Variants in PTPN5 observed in about 807,000 individuals in gnomAD.
The protein encoded by PTPN5 is tyrosine-protein phosphatase non-receptor type 5.
A neutral mutation model predicts 73.9 loss-of-function variants in PTPN5; 29 were observed. The ratio of observed to expected loss-of-function variants is 0.39; its 90% CI spans 0.29 to 0.54. The LOEUF (loss-of-function observed/expected upper bound fraction) is 0.54. PTPN5 is among the 20% of genes least tolerant of loss of function. The probability of loss-of-function intolerance (pLI) is 0.65; values close to 1 mark genes in which losing one functional copy is unlikely to be tolerated. For missense variants in PTPN5, 652 were observed against 751.4 expected (o/e 0.87, Z 1.55); for synonymous variants, 267 against 304.7 (o/e 0.88, Z 1.29).
At position 18,754,813 on chromosome 11, in the gene PTPN5, C is replaced by T. The variant is rs1315778147; in HGVS notation, c.98-10614G>A. Among the ~76,000 whole-genome samples, 8 of 152,336 alleles carry T rather than the reference C, an allele frequency of 5.3e-5. No individual in the cohort carries two copies. In the East Asian group the frequency reaches 7.7e-4, roughly 15 times the overall value. ...TCTCATTGTAGGTGCACTTTTACCT[C>T]GTGCATCGTTTTGTACGTAGGCATA... On this transcript the variant is annotated intron_variant, in intron 3 of 14. Transcript: ENST00000358540.
chr11:18,778,276 A>G (rs879272780), intron 1 of PTPN5, among the ~76,000 whole-genome samples: 4 of 152,188 alleles, frequency 2.6e-5, no homozygotes, highest in Admixed American at 2.6e-4. Context: ...GTGTTAGCCA[A>G]TATTACTGTT....
chr11:18,767,101 CA>C (rs1365147253), intron 2 of PTPN5, among the ~76,000 whole-genome samples: 1 of 152,176 alleles, frequency 6.6e-6, no homozygotes, highest in Non-Finnish European at 1.5e-5. Flanking sequence ...AACTGGCAAC[CA>C]AAAGAACCTT....
At chr11:18,755,126 C>G (rs568207759) in intron 3 of PTPN5, among the ~76,000 whole-genome samples, 1 of 152,362 alleles carries the variant, frequency 6.6e-6, no homozygotes, top group Non-Finnish European at 1.5e-5. Context: ...ACCAGCTGCC[C>G]TGCAGTGTGG....
chr11:18,777,435 T>C (rs1361002214), intron 1 of PTPN5, among the ~76,000 whole-genome samples: 2 of 129,998 alleles, frequency 1.5e-5, no homozygotes, highest in African/African-American at 5.8e-5. Flanking sequence ...AGGAAGCTCC[T>C]AAAAATGTTA....
intron 1 of PTPN5, among the ~76,000 whole-genome samples, chr11:18,782,451 C>T (rs1851482109): frequency 6.6e-6 from 1 of 152,216 alleles, no homozygotes; most frequent in African/African-American, 2.4e-5. Context: ...TGGTCTCGAA[C>T]TCCTGACCTC....
At chr11:18,745,969 T>C (rs1421103101) in intron 3 of PTPN5, among the ~76,000 whole-genome samples, 1 of 151,606 alleles carries the variant, frequency 6.6e-6, no homozygotes, top group South Asian at 2.1e-4. Flanking sequence ...AGAAGTTCCA[T>C]GAAGGCAGAG....
chr11:18,748,984 T>C (rs994873659), intron 3 of PTPN5, among the ~76,000 whole-genome samples: 5 of 152,216 alleles, frequency 3.3e-5, no homozygotes, highest in Non-Finnish European at 7.3e-5. Flanking sequence ...GCTCTTATCC[T>C]TTCCCTGCCC....
In PTPN5 at chr11:18,742,201, T is replaced by C; in HGVS notation, c.725+61A>G. 3 of 1,600,902 alleles carry C rather than the reference T, an allele frequency of 1.9e-6. No homozygotes were observed. Among genetic ancestry groups the C allele is most frequent in the Non-Finnish European group, 2.6e-6 (3 of 1,172,752 alleles). ...GGAGTCAGAGTCAGGCATCCACTCT[T>C]CTGATCAGGAGCTAAGAGCTCAAGG... On this transcript the variant is annotated intron_variant, in intron 7 of 14. Transcript: ENST00000358540. The surrounding 1 kb of genome is among the most constrained non-coding windows in gnomAD (Gnocchi z 4.1).
intron 1 of PTPN5, among the ~76,000 whole-genome samples, chr11:18,772,343 C>T (rs933151860): frequency 1.3e-5 from 2 of 152,218 alleles, no homozygotes; most frequent in African/African-American, 4.8e-5. Context: ...CAGACTGATG[C>T]GTGCAGCAAA....
chr11:18,780,529 C>T (rs1019794237), intron 1 of PTPN5, among the ~76,000 whole-genome samples: 1 of 152,138 alleles, frequency 6.6e-6, no homozygotes, highest in Non-Finnish European at 1.5e-5. Flanking sequence ...CCTTCCTGCT[C>T]CTCCTCTTTG....
intron 1 of PTPN5, 49 bp from the exon 2 acceptor site, chr11:18,772,120 C>G (rs776867132): frequency 1.8e-6 from 1 of 560,640 alleles, no homozygotes; most frequent in Non-Finnish European, 3.1e-6. Flanking sequence ...TCAGGTCACA[C>G]AGTGTGCCAA....
chr11:18,779,328 CATT>C (rs2134348014), intron 1 of PTPN5, among the ~76,000 whole-genome samples: 1 of 149,942 alleles, frequency 6.7e-6, no homozygotes, highest in South Asian at 2.1e-4. Context: ...GGTTTGGAAA[CATT>C]AGCTGGATTT....
chr11:18,752,598 G>C (rs1849940698), intron 3 of PTPN5, among the ~76,000 whole-genome samples: 1 of 152,238 alleles, frequency 6.6e-6, no homozygotes, highest in Admixed American at 6.5e-5. Flanking sequence ...CACAACTCAA[G>C]TACTCTTTGG....
At chr11:18,746,978 G>T (rs955429752) in intron 3 of PTPN5, among the ~76,000 whole-genome samples, 1 of 152,172 alleles carries the variant, frequency 6.6e-6, no homozygotes, top group African/African-American at 2.4e-5. Context: ...CCTTGGTTCT[G>T]CAGAGCACAT....
chr11:18,740,597 A>G lies in PTPN5; in HGVS notation c.915+6T>C, dbSNP rs757391291. On this transcript the variant is annotated splice_donor_region_variant and intron_variant, in intron 8 of 14. Transcript: ENST00000358540. ...ACAGTGGGGCGACCGGCTCAAGGGAACTCACAAAGAATTCCGCCTGCAGCA... is the reference window on the plus strand; with the variant it reads ...ACAGTGGGGCGACCGGCTCAAGGGAGCTCACAAAGAATTCCGCCTGCAGCA... The G allele has an allele frequency of 3.2e-6, 5 of 1,553,238 alleles. No homozygotes were observed. The highest frequency in any genetic ancestry group is 4.4e-6 in the Non-Finnish European group (5 of 1,148,632).
Position 18,785,299 on chromosome 11 carries a change from G to A in PTPN5, c.-114+6226C>T, listed in dbSNP as rs547407902. Among the ~76,000 whole-genome samples, 5 of 152,314 alleles carry A rather than the reference G, an allele frequency of 3.3e-5. No individual in the cohort carries two copies. In the South Asian group the frequency reaches 1.0e-3, roughly 32 times the overall value. On this transcript the variant is annotated intron_variant, in intron 1 of 14. Coordinates refer to ENST00000358540, the MANE Select transcript of PTPN5 (RefSeq NM_006906.2). ...CTGAGATGGAAAAGCTATGTGCCTGGAGATGCTCATTATTGACTATGTGCA... is the reference window on the plus strand; with the variant it reads ...CTGAGATGGAAAAGCTATGTGCCTGAAGATGCTCATTATTGACTATGTGCA...
In PTPN5 at chr11:18,729,689, G is replaced by A; in HGVS notation, c.1459C>T (p.Pro487Ser). Residue 487 changes from proline (P) to serine (S), a missense_variant, in exon 13 of 15, where the codon CCC (proline) becomes TCC (serine). Coordinates refer to ENST00000358540, the MANE Select transcript of PTPN5 (RefSeq NM_006906.2). The surrounding 1 kb of genome is among the most constrained non-coding windows in gnomAD (Gnocchi z 5.2). The stretch of plus-strand genomic sequence containing the variant: ...TGGACGATGATGGGGGCACAGTGGG[G>A]CCCCTCCTGCTGGGCTGCCTCCTCC... ...EVEEAAQQEG[P>S]HCAPIIVHCS... 2 of 1,578,952 alleles carry A rather than the reference G, an allele frequency of 1.3e-6. No individual in the cohort carries two copies. The highest frequency in any genetic ancestry group is 1.7e-6 in the Non-Finnish European group (2 of 1,160,642).
chr11:18,728,942 G>A lies in PTPN5; in HGVS notation c.1690C>T (p.Pro564Ser). 6.2e-7 allele frequency: 1 copy of A among 1,613,142 alleles called. No homozygotes were observed. The highest frequency in any genetic ancestry group is 8.5e-7 in the Non-Finnish European group (1 of 1,179,640). Residue 564 changes from proline to serine, a missense_variant, in exon 15 of 15, where the codon CCA becomes TCA. By Grantham distance (74) the Pro-to-Ser change is moderately conservative (BLOSUM62 -1). Around this residue, in one of 3 missense-constraint regions of PTPN5, gnomAD observed 21 missense variants for 16.9 expected, o/e 1.24. Coordinates refer to ENST00000358540, the MANE Select transcript of PTPN5 (RefSeq NM_006906.2). The surrounding 1 kb of genome is among the most constrained non-coding windows in gnomAD (Gnocchi z 4.1). ...TTGTAGGAGAAGCGCAGTCATTCTG[G>A]GGACTGGTGGGACAGCTGCTTTTCG... ...LYEKQLSHQS[P>S]E is the part of the protein sequence containing the mutation.
Position 18,733,278 on chromosome 11 carries a change from G to A in PTPN5, c.1175C>T (p.Thr392Met), listed in dbSNP as rs1390764401. 6.2e-7 allele frequency: 1 copy of A among 1,614,024 alleles called. No individual in the cohort carries two copies. The highest frequency in any genetic ancestry group is 8.5e-7 in the Non-Finnish European group (1 of 1,179,964). Residue 392 changes from threonine to methionine, a missense_variant, in exon 11 of 15, where the codon ACG (threonine) becomes ATG (methionine). Physicochemically the swap from Thr to Met is moderately conservative, Grantham distance 81. Transcript: ENST00000358540. The surrounding 1 kb of genome is among the most constrained non-coding windows in gnomAD (Gnocchi z 4.3). ...DFWRMVWQEH[T>M]PIIVMITNIE... ...GTTGGTGATCATGACAATGATGGGC[G>A]TGTGCTCCTGCCACACCATGCGCCA...
Sources: gnomAD v4.1 joint callset for allele counts (sites outside exome capture counted in the v4.1 genomes callset) on GRCh38, gnomAD v4.1.1 for gene constraint, gnomAD v4.1.1 regional missense constraint, Gnocchi (gnomAD v3.1) non-coding constraint, MANE v1.5 for transcripts, NCBI Gene and HGNC (gene_info 2026-07-23, HGNC 2026-07-21) for gene names.